The following SLIT3 variants were observed in gnomAD, a reference collection of about 807,000 sequenced individuals.
SLIT3 encodes slit guidance ligand 3.
Under a neutral mutation model 184.0 loss-of-function variants are expected in SLIT3, and 68 were observed. The ratio of observed to expected loss-of-function variants is 0.37; its 90% CI spans 0.30 to 0.45. The LOEUF (loss-of-function observed/expected upper bound fraction) is 0.45. SLIT3 is among the 20% of genes least tolerant of loss of function. SLIT3 has a pLI of 1.00. For missense variants in SLIT3, 1,707 were observed against 2,026.0 expected (o/e 0.84, Z 3.02); for synonymous variants, 831 against 828.6 (o/e 1.00, Z -0.05).
intron 4 of SLIT3, among the ~76,000 whole-genome samples, chr5:168,936,434 C>T (rs928043599): frequency 3.3e-5 from 5 of 152,156 alleles, no homozygotes; most frequent in Non-Finnish European, 7.3e-5. Flanking sequence ...GGGGTTTCAC[C>T]ATGTTGGTCA....
At chr5:168,921,618 T>C (rs1014404355) in intron 4 of SLIT3, among the ~76,000 whole-genome samples, 1 of 152,152 alleles carries the variant, frequency 6.6e-6, no homozygotes, top group Non-Finnish European at 1.5e-5. Flanking sequence ...AAAAATTAGG[T>C]GATGTTGATT....
chr5:169,153,962 G>A (rs1454369620), intron 4 of SLIT3, among the ~76,000 whole-genome samples: 2 of 149,340 alleles, frequency 1.3e-5, no homozygotes, highest in African/African-American at 5.0e-5. Flanking sequence ...CTCCCTTGAT[G>A]CTCCCAGCCT....
rs10078145 is a variant in SLIT3, at chr5:168,680,537, T to G, written c.3686+3429A>C. On this transcript the variant is annotated intron_variant, in intron 32 of 35. Transcript: ENST00000519560. ...GCTGGTGGCTGCCAACTCCCCCAGTTAGAATAGCTTTGGCTGGGCTCCCTG... is the reference window on the plus strand; with the variant it reads ...GCTGGTGGCTGCCAACTCCCCCAGTGAGAATAGCTTTGGCTGGGCTCCCTG... Among the ~76,000 whole-genome samples, 1,315 of 152,346 alleles carry G rather than the reference T, an allele frequency of 8.6e-3. 15 individuals carry two copies. The highest frequency in any genetic ancestry group is 0.029 in the African/African-American group (1,211 of 41,588).
chr5:168,718,285 A>C (rs1762813525), intron 23 of SLIT3: 1 of 152,100 alleles, frequency 6.6e-6, no homozygotes, highest in African/African-American at 2.4e-5. Context: ...AGCAGTGATG[A>C]ACAGCCCCGT....
intron 12 of SLIT3, among the ~76,000 whole-genome samples, chr5:168,777,621 C>A (rs891381632): frequency 2.6e-5 from 4 of 152,162 alleles, no homozygotes; most frequent in South Asian, 4.1e-4. Context: ...GCAAAGATAG[C>A]CCAAGGTGCA....
intron 4 of SLIT3, among the ~76,000 whole-genome samples, chr5:168,967,587 C>T (rs1763251743): frequency 7.0e-6 from 1 of 143,396 alleles, no homozygotes; most frequent in Non-Finnish European, 1.5e-5. Flanking sequence ...CTACAGGCGC[C>T]CGCCACTACG....
At chr5:169,218,832 T>C (rs1052333463) in intron 3 of SLIT3, among the ~76,000 whole-genome samples, 2 of 152,170 alleles carry the variant, frequency 1.3e-5, no homozygotes, top group African/African-American at 4.8e-5. Flanking sequence ...TCCAACTGAG[T>C]ACTCTTTAGG....
intron 4 of SLIT3, among the ~76,000 whole-genome samples, chr5:169,033,156 T>TTTTG (rs142981455): frequency 6.6e-6 from 1 of 151,922 alleles, no homozygotes; most frequent in African/African-American, 2.4e-5. Context: ...ACAGTTGGGT[T>TTTTG]TTTGTTTGTT....
At position 168,708,239 on chromosome 5, in the gene SLIT3, C is replaced by G. The variant is rs866363432; in HGVS notation, c.2720-139G>C. 5.7e-5 allele frequency: 65 copies of G among 1,132,416 alleles called. 1 individual carries two copies. In the Middle Eastern group the frequency reaches 7.1e-4, roughly 12 times the overall value. 70.1% of individuals were successfully genotyped at this position (1,132,416 alleles called of 1,614,324 possible). A position where few individuals can be genotyped will look rare whatever the true frequency, so the allele number is the denominator to read the frequency against. On this transcript the variant is annotated intron_variant, in intron 25 of 35. Coordinates refer to ENST00000519560, the MANE Select transcript of SLIT3 (RefSeq NM_003062.4). Reference sequence around the variant, plus strand: ...CATGCCCAGATGGCAGCTGGCTCTCCTCAGCCAGCACATCCAGTCCAGCTA... The same window carrying G: ...CATGCCCAGATGGCAGCTGGCTCTCGTCAGCCAGCACATCCAGTCCAGCTA...
chr5:169,183,054 C>T (rs1763220237), intron 4 of SLIT3, among the ~76,000 whole-genome samples: 1 of 152,144 alleles, frequency 6.6e-6, no homozygotes, highest in African/African-American at 2.4e-5. Flanking sequence ...TGGCAAGAAG[C>T]CCACACTTAT....
In SLIT3 at chr5:169,046,952, T is replaced by A. The variant is rs1041717153; in HGVS notation, c.413+146527A>T. Among the ~76,000 whole-genome samples, 6 of 152,162 alleles carry A rather than the reference T, an allele frequency of 3.9e-5. 1 individual carries two copies. Among genetic ancestry groups the A allele is most frequent in the Non-Finnish European group, 8.8e-5 (6 of 68,022 alleles). ...ATTTGCTTTCTATATTCTAGGCGCT[T>A]GCTACAGGGTGTCTACTCTGGCCGC... On this transcript the variant is annotated intron_variant, in intron 4 of 35. Coordinates refer to ENST00000519560, the MANE Select transcript of SLIT3 (RefSeq NM_003062.4).
At chr5:168,698,095 C>T (rs921073162) in intron 27 of SLIT3, among the ~76,000 whole-genome samples, 3 of 152,084 alleles carry the variant, frequency 2.0e-5, no homozygotes, top group African/African-American at 7.2e-5. Context: ...TGTTGGTCTT[C>T]TGTGGGGCCT....
chr5:168,847,834 G>A lies in SLIT3; in HGVS notation c.486-3179C>T, dbSNP rs970613025. Among the ~76,000 whole-genome samples the A allele has an allele frequency of 2.6e-5, 4 of 152,254 alleles. No homozygotes were observed. The East Asian group carries it at 5.8e-4, about 22-fold the overall frequency. ...GGTTTGATGTGACCGGGGGGCCACT[G>A]ATGTGTATTCTGAGCTCTCAGGTCA... On this transcript the variant is annotated intron_variant, in intron 5 of 35. Coordinates refer to ENST00000519560, the MANE Select transcript of SLIT3 (RefSeq NM_003062.4).
rs1349442019 is a variant in SLIT3, at chr5:168,771,878, GAGA to G, written c.1459+900_1459+902del. 3.3e-5 allele frequency among the ~76,000 whole-genome samples: 5 copies of G among 152,316 alleles called. No homozygotes were observed. In the East Asian group the frequency reaches 9.6e-4, roughly 29 times the overall value. ...TGCATCAGAAGCTCCTGGGCAAGGG[GAGA>G]AGCACTGCTCTTGCTGCTGCACACA... is the stretch of plus-strand genomic sequence containing the variant. On this transcript the variant is annotated intron_variant, in intron 14 of 35. Coordinates refer to ENST00000519560, the MANE Select transcript of SLIT3 (RefSeq NM_003062.4).
intron 26 of SLIT3, among the ~76,000 whole-genome samples, chr5:168,705,916 G>C (rs1055613269): frequency 2.6e-5 from 4 of 152,196 alleles, no homozygotes; most frequent in Non-Finnish European, 5.9e-5. Flanking sequence ...CATCTCATAA[G>C]CTGATTATAA....
At chr5:168,703,694 C>T (rs890627884) in intron 26 of SLIT3, among the ~76,000 whole-genome samples, 9 of 152,048 alleles carry the variant, frequency 5.9e-5, no homozygotes, top group African/African-American at 2.2e-4. Flanking sequence ...TGCCTCACGC[C>T]TATAATCCCA....
chr5:169,169,227 A>G (rs1762742308), intron 4 of SLIT3, among the ~76,000 whole-genome samples: 1 of 152,050 alleles, frequency 6.6e-6, no homozygotes, highest in Non-Finnish European at 1.5e-5. Flanking sequence ...GGCCTAATAT[A>G]TCCCCAGATG....
chr5:168,765,504 A>T (rs571129511), intron 14 of SLIT3, among the ~76,000 whole-genome samples: 31 of 152,316 alleles, frequency 2.0e-4, no homozygotes, highest in Middle Eastern at 6.8e-3. Flanking sequence ...TTCCCCAGTC[A>T]GAGCCAGCCC....
rs114257216 is a variant in SLIT3 at position 168,853,313 on chromosome 5, G to C, written c.486-8658C>G. Among the ~76,000 whole-genome samples, 997 of 152,178 alleles carry C rather than the reference G, an allele frequency of 6.6e-3. 12 individuals are homozygous for C. The highest frequency in any genetic ancestry group is 0.022 in the African/African-American group (933 of 41,506). On this transcript the variant is annotated intron_variant, in intron 5 of 35. Coordinates refer to ENST00000519560, the MANE Select transcript of SLIT3 (RefSeq NM_003062.4). ...TGTGCACATATTCACAATTCCCATA[G>C]TTGACACAACTAAGGAGAGAAATTG...
Sources: allele counts gnomAD v4.1 joint callset (sites outside exome capture counted in the v4.1 genomes callset), GRCh38; gene constraint gnomAD v4.1.1; transcripts MANE v1.5; gene names NCBI Gene and HGNC (gene_info 2026-07-23, HGNC 2026-07-21).